CUBN: variants seen among roughly 807,000 people sequenced by gnomAD.
The protein encoded by CUBN is cubilin, also known as 460 kDa receptor.
In CUBN, 282 loss-of-function variants were observed where a neutral mutation model predicts 405.3. That is an observed-to-expected ratio of 0.70 (90% CI 0.63 to 0.77). CUBN has a LOEUF of 0.77. Among genes scored for constraint, CUBN ranks in the 30% least tolerant of loss-of-function variants. CUBN has a pLI of 0.00. For missense variants in CUBN, 4,514 were observed against 4,475.2 expected (o/e 1.01, Z -0.25); for synonymous variants, 1,684 against 1,617.0 (o/e 1.04, Z -0.99).
At chr10:17,030,445 T>C (rs543973143) in intron 27 of CUBN, among the ~76,000 whole-genome samples, 111 of 152,330 alleles carry the variant, frequency 7.3e-4, no homozygotes, top group African/African-American at 2.5e-3. Flanking sequence ...TATTCCATGC[T>C]GGTCATTATT....
At chr10:17,060,399 G>T (rs1444402167) in intron 22 of CUBN, among the ~76,000 whole-genome samples, 1 of 151,986 alleles carries the variant, frequency 6.6e-6, no homozygotes, top group African/African-American at 2.4e-5. Context: ...GGGATTACAG[G>T]CATAAGCCAC....
At chr10:17,023,670 G>A (rs1355373839) in intron 27 of CUBN, 6 of 455,400 alleles carry the variant, frequency 1.3e-5, no homozygotes, top group Non-Finnish European at 2.6e-5. Context: ...GAGTGGCCCT[G>A]CTTTTAGAGA....
chr10:17,050,914 C>G (rs1195410016), intron 22 of CUBN, among the ~76,000 whole-genome samples: 2 of 152,108 alleles, frequency 1.3e-5, no homozygotes, highest in African/African-American at 4.8e-5. Context: ...ACAAAGTAAT[C>G]AGCTAGATAT....
intron 27 of CUBN, among the ~76,000 whole-genome samples, chr10:17,037,335 T>C (rs1834923437): frequency 6.6e-6 from 1 of 152,230 alleles, no homozygotes; most frequent in South Asian, 2.1e-4. Flanking sequence ...GAGGTCATGA[T>C]GTGTTGGGAT....
intron 40 of CUBN, among the ~76,000 whole-genome samples, chr10:16,929,001 GA>G (rs10708099): frequency 0.99 from 147,004 of 147,926 alleles, 73,047 homozygotes; most frequent in Non-Finnish European, 1. Flanking sequence ...GTAGGTAAAA[GA>G]AAAAAAAAAA....
intron 51 of CUBN, among the ~76,000 whole-genome samples, chr10:16,903,115 A>C (rs150410182): frequency 1.1e-3 from 162 of 152,360 alleles, no homozygotes; most frequent in Admixed American, 2.2e-3. Flanking sequence ...TTTATCCCAG[A>C]AATGCAAGGA....
At chr10:16,837,660 T>A (rs543263086) in intron 62 of CUBN, among the ~76,000 whole-genome samples, 1 of 152,212 alleles carries the variant, frequency 6.6e-6, no homozygotes, top group African/African-American at 2.4e-5. Flanking sequence ...ACATCCTCCG[T>A]AACCACCCTA....
At chr10:17,011,133 C>T (rs1834167724) in intron 28 of CUBN, among the ~76,000 whole-genome samples, 2 of 152,186 alleles carry the variant, frequency 1.3e-5, no homozygotes, top group South Asian at 2.1e-4. Context: ...AGAACTACTG[C>T]TATGAGACCC....
intron 27 of CUBN, 107 bp from the exon 28 acceptor site, chr10:17,020,090 G>C: frequency 8.0e-7 from 1 of 1,255,944 alleles, no homozygotes; most frequent in Non-Finnish European, 1.2e-6. Context: ...AAAAGTTAGA[G>C]GTAAATCTGC....
chr10:16,874,251 CCT>C, intron 58 of CUBN, 121 bp downstream of exon 58: 1 of 1,032,788 alleles, frequency 9.7e-7, no homozygotes, highest in South Asian at 1.3e-5. Context: ...GAACATCACT[CCT>C]CTGTGTAGAT....
At chr10:16,846,187 T>C (rs1839503612) in intron 60 of CUBN, among the ~76,000 whole-genome samples, 1 of 152,206 alleles carries the variant, frequency 6.6e-6, no homozygotes, top group African/African-American at 2.4e-5. Context: ...TTAGAAATGT[T>C]TGTTTTGAGT....
intron 61 of CUBN, 86 bp downstream of exon 61, chr10:16,840,799 A>T: frequency 8.2e-7 from 1 of 1,226,038 alleles, no homozygotes; most frequent in Non-Finnish European, 1.2e-6. Context: ...TAACATTGAA[A>T]TTTCGATATA....
intron 54 of CUBN, among the ~76,000 whole-genome samples, chr10:16,893,598 T>C (rs1841097803): frequency 6.6e-6 from 1 of 152,210 alleles, no homozygotes; most frequent in Admixed American, 6.5e-5. Context: ...CATTTCAAAA[T>C]ATTATATAAA....
chr10:17,061,539 T>G (rs1177435218), intron 22 of CUBN, among the ~76,000 whole-genome samples: 1 of 152,208 alleles, frequency 6.6e-6, no homozygotes, highest in East Asian at 1.9e-4. Flanking sequence ...TGGGCATGTT[T>G]GTCATCATTT....
chr10:17,004,489 G>C (rs1588571689), intron 28 of CUBN, among the ~76,000 whole-genome samples: 1 of 152,078 alleles, frequency 6.6e-6, no homozygotes, highest in African/African-American at 2.4e-5. Context: ...TCAAATAGAA[G>C]CTCACAATTT....
chr10:16,848,152 C>T (rs1246797636), intron 60 of CUBN, among the ~76,000 whole-genome samples: 2 of 152,094 alleles, frequency 1.3e-5, no homozygotes, highest in Non-Finnish European at 2.9e-5. Context: ...CAGTTTCTGG[C>T]CTGAATGAAT....
intron 62 of CUBN, among the ~76,000 whole-genome samples, chr10:16,837,384 C>T (rs1247691550): frequency 2.0e-5 from 3 of 152,098 alleles, no homozygotes; most frequent in Non-Finnish European, 4.4e-5. Flanking sequence ...GGTTCTCCTT[C>T]GACGGTCTCT....
chr10:16,940,844 G>A (rs1172536644), intron 36 of CUBN, among the ~76,000 whole-genome samples: 1 of 152,138 alleles, frequency 6.6e-6, no homozygotes, highest in Non-Finnish European at 1.5e-5. Flanking sequence ...GCAATATGAT[G>A]GGATCATTTA....
chr10:17,049,660 T>A (rs1222910042), intron 22 of CUBN, among the ~76,000 whole-genome samples: 1 of 152,196 alleles, frequency 6.6e-6, no homozygotes. Context: ...CAGTTCTTGA[T>A]GTGTTCCAAT....
Sources: allele counts gnomAD v4.1 joint callset (sites outside exome capture counted in the v4.1 genomes callset), GRCh38; gene constraint gnomAD v4.1.1; transcripts MANE v1.5; gene names NCBI Gene and HGNC (gene_info 2026-07-23, HGNC 2026-07-21).